Variants in ITPR1 observed in about 807,000 individuals in gnomAD.
ITPR1 encodes the protein inositol 1,4,5-trisphosphate-gated calcium channel ITPR1.
In ITPR1, 96 loss-of-function variants were observed where a neutral mutation model predicts 318.4. The observed-to-expected ratio is 0.30, with a 90% CI of 0.26 to 0.36. The LOEUF is 0.36. ITPR1 is among the 10% of genes least tolerant of loss of function. The pLI is 1.00. For missense variants in ITPR1, 2,440 were observed against 3,460.2 expected, an observed-to-expected ratio of 0.71 and a Z score of 7.40; for synonymous variants, 1,312 against 1,289.9, an observed-to-expected ratio of 1.02 and a Z score of -0.37.
At chr3:4,744,978 C>CCTCTTTCCCTCCTTCTCTCCTT (rs1450479860) in intron 44 of ITPR1, among the ~76,000 whole-genome samples, 1 of 135,730 alleles carries the variant, frequency 7.4e-6, no homozygotes, top group Non-Finnish European at 1.5e-5. Flanking sequence ...CCTTCGTTCC[C>CCTCTTTCCCTCCTTCTCTCCTT]CTCTTTCCCT....
In ITPR1 at chr3:4,766,661, TAAA is replaced by T. The variant is rs745619106; in HGVS notation, c.5679_5681del (p.Lys1895del). ...CAGTGAACACCAGTGACTTGGGAAA[TAAA>T]AAGAAAGACGATGAGGTAGACAGGG... is the stretch of plus-strand genomic sequence containing the variant. On this transcript the variant is annotated inframe_deletion, in exon 45 of 62. Transcript: ENST00000649015. 6.2e-7 allele frequency: 1 copy of T among 1,612,052 alleles called. No individual in the cohort carries two copies. The highest frequency in any genetic ancestry group is 8.5e-7 in the Non-Finnish European group (1 of 1,179,142).
In ITPR1 at chr3:4,668,197, T is replaced by C. The variant is rs533044727; in HGVS notation, c.1886+648T>C. The stretch of plus-strand genomic sequence containing the variant: ...ACCCAATTTACCTACAAACAGTAGG[T>C]CTTATTCGTTCTTTCTATTTTTTTT... On this transcript the variant is annotated intron_variant, in intron 18 of 61. Coordinates refer to ENST00000649015, the MANE Select transcript of ITPR1 (RefSeq NM_001378452.1). Among the ~76,000 whole-genome samples the C allele has an allele frequency of 2.0e-5, 3 of 151,542 alleles. No individual in the cohort carries two copies. The East Asian group carries it at 5.8e-4, about 29-fold the overall frequency.
chr3:4,717,705 A>G (rs1397949511), intron 40 of ITPR1, among the ~76,000 whole-genome samples: 1 of 152,220 alleles, frequency 6.6e-6, no homozygotes, highest in African/African-American at 2.4e-5. Context: ...CCATTAACCT[A>G]TCTCTGAAAG....
At chr3:4,514,251 A>G (rs1310507224) in intron 2 of ITPR1, among the ~76,000 whole-genome samples, 1 of 152,198 alleles carries the variant, frequency 6.6e-6, no homozygotes, top group African/African-American at 2.4e-5. Context: ...GGTCATGAGG[A>G]TTCACTAAGA....
At chr3:4,668,111 A>G (rs2093989451) in intron 18 of ITPR1, among the ~76,000 whole-genome samples, 2 of 152,116 alleles carry the variant, frequency 1.3e-5, no homozygotes, top group South Asian at 4.1e-4. Context: ...TGTACAATTA[A>G]ATTATTGACT....
chr3:4,561,493 G>T (rs1445515600), intron 4 of ITPR1, among the ~76,000 whole-genome samples: 1 of 152,168 alleles, frequency 6.6e-6, no homozygotes, highest in African/African-American at 2.4e-5. Context: ...TAATTTTATA[G>T]AATATGTGTC....
At position 4,502,449 on chromosome 3, in the gene ITPR1, T is replaced by TG. The variant is rs1475497649; in HGVS notation, c.-17+7943_-17+7944insG. Among the ~76,000 whole-genome samples the TG allele has an allele frequency of 5.4e-3, 817 of 151,580 alleles. 4 individuals are homozygous for TG. The highest frequency in any genetic ancestry group is 0.027 in the Middle Eastern group (8 of 294). ...TAATTTTTTGTACCCCTCTCTCCTT[T>TG]TTTTTTTTTTGAGAAGGAATCTCGC... On this transcript the variant is annotated intron_variant, in intron 2 of 61. Transcript: ENST00000649015.
intron 4 of ITPR1, among the ~76,000 whole-genome samples, chr3:4,594,110 CT>C (rs1311804969): frequency 6.6e-6 from 1 of 152,118 alleles, no homozygotes; most frequent in Non-Finnish European, 1.5e-5. Context: ...TGTTCATTGG[CT>C]TGGGGAGATA....
chr3:4,512,349 G>A lies in ITPR1; in HGVS notation c.-16-4127G>A, dbSNP rs147733342. On this transcript the variant is annotated intron_variant, in intron 2 of 61. Coordinates refer to ENST00000649015, the MANE Select transcript of ITPR1 (RefSeq NM_001378452.1). Reference sequence around the variant, plus strand: ...AGACCATCCATAGGCAGCGCGATGGGGAGATTTCATTATTGGGTGGGAGGT... The same window carrying A: ...AGACCATCCATAGGCAGCGCGATGGAGAGATTTCATTATTGGGTGGGAGGT... 2.6e-3 allele frequency among the ~76,000 whole-genome samples: 389 copies of A among 152,224 alleles called. 1 individual carries two copies. Among genetic ancestry groups the A allele is most frequent in the Non-Finnish European group, 4.2e-3 (284 of 68,008 alleles).
At chr3:4,821,135 G>C (rs182343491) in intron 60 of ITPR1, among the ~76,000 whole-genome samples, 10 of 152,354 alleles carry the variant, frequency 6.6e-5, no homozygotes, top group Admixed American at 2.0e-4. Flanking sequence ...ACAGAGAAGG[G>C]ACAGCTGATG....
At chr3:4,604,098 T>C (rs2091514590) in intron 4 of ITPR1, among the ~76,000 whole-genome samples, 1 of 152,170 alleles carries the variant, frequency 6.6e-6, no homozygotes, top group South Asian at 2.1e-4. Flanking sequence ...ATGTTGAGCG[T>C]TTTTTCCTGT....
chr3:4,733,624 T>C (rs1163656126), intron 43 of ITPR1, among the ~76,000 whole-genome samples: 2 of 152,176 alleles, frequency 1.3e-5, no homozygotes, highest in African/African-American at 4.8e-5. Flanking sequence ...GCCAGGGGCT[T>C]TCCTAAGTGC....
chr3:4,841,628 G>A (rs968865305), intron 61 of ITPR1, among the ~76,000 whole-genome samples: 6 of 152,212 alleles, frequency 3.9e-5, no homozygotes, highest in African/African-American at 7.2e-5. Context: ...GTGTGTAACC[G>A]AGCTGTGAAC....
Position 4,670,515 on chromosome 3 carries a change from A to AT in ITPR1, c.2007-212dup, listed in dbSNP as rs555193759. On this transcript the variant is annotated intron_variant, in intron 19 of 61. Transcript: ENST00000649015. The stretch of plus-strand genomic sequence containing the variant: ...GACAACCAAAAACCTGTCCAGAGAC[A>AT]TTGCCTGGTGTCCACTGGGGGCAGC... Among the ~76,000 whole-genome samples, 486 of 152,340 alleles carry AT rather than the reference A, an allele frequency of 3.2e-3. 2 individuals carry two copies. The highest frequency in any genetic ancestry group is 5.6e-3 in the Non-Finnish European group (380 of 68,038).
chr3:4,814,218 G>A lies in ITPR1; in HGVS notation c.7562-205G>A, dbSNP rs116396285. The stretch of plus-strand genomic sequence containing the variant: ...GGAGAGCAATACTACCATAGCTGGA[G>A]AAATTAGCGGGGGTTAGCGATGAAA... On this transcript the variant is annotated intron_variant, in intron 57 of 61. Transcript: ENST00000649015. 2.1e-3 allele frequency: 1,267 copies of A among 591,622 alleles called. 6 individuals are homozygous for A. The highest frequency in any genetic ancestry group is 0.021 in the African/African-American group (1,112 of 53,986). The allele number at this position is 591,622 out of a possible 1,614,324, so 36.6% of individuals were successfully genotyped here.
At chr3:4,708,805 A>C (rs3804992) in intron 37 of ITPR1, among the ~76,000 whole-genome samples, 6 of 152,034 alleles carry the variant, frequency 3.9e-5, no homozygotes, top group Non-Finnish European at 5.9e-5. Context: ...CTAGTGCAGC[A>C]AAAGTTGTAA....
intron 4 of ITPR1, among the ~76,000 whole-genome samples, chr3:4,566,334 T>G (rs1242393102): frequency 1.3e-5 from 2 of 152,162 alleles, no homozygotes; most frequent in Non-Finnish European, 2.9e-5. Flanking sequence ...ACTCTGACTT[T>G]ATGTATGAGT....
chr3:4,806,124 C>G lies in ITPR1; in HGVS notation c.7129C>G (p.Leu2377Val). 1 of 1,613,832 alleles carries G rather than the reference C, an allele frequency of 6.2e-7. No individual in the cohort carries two copies. The highest frequency in any genetic ancestry group is 8.5e-7 in the Non-Finnish European group (1 of 1,179,764). The change falls in exon 55 of 62, where the codon CTA becomes GTA. Residue 2377 changes from leucine (L) to valine (V), a missense_variant. Coordinates refer to ENST00000649015, the MANE Select transcript of ITPR1 (RefSeq NM_001378452.1). ...TCAGGTATGCAATAAAATCATCTTT[C>G]TAATGAGCTTTGTGGGCAACTGTGG... Reference protein sequence around the residue: ...AFNVCNKIIFLMSFVGNCGTF... With the variant: ...AFNVCNKIIFVMSFVGNCGTF...
chr3:4,730,450 T>C (rs1027423825), intron 42 of ITPR1, among the ~76,000 whole-genome samples: 11 of 151,192 alleles, frequency 7.3e-5, no homozygotes, highest in Admixed American at 2.0e-4. Flanking sequence ...TTTCATGATA[T>C]TCTCTTATGG....
Sources: gnomAD v4.1 joint callset for allele counts (sites outside exome capture counted in the v4.1 genomes callset) on GRCh38, gnomAD v4.1.1 for gene constraint, MANE v1.5 for transcripts, NCBI Gene and HGNC (gene_info 2026-07-23, HGNC 2026-07-21) for gene names.